GPLD1: variants seen among roughly 807,000 people sequenced by gnomAD.
GPLD1 encodes glycosylphosphatidylinositol specific phospholipase D1.
A neutral mutation model predicts 112.6 loss-of-function variants in GPLD1; 84 were observed. The observed-to-expected ratio is 0.75, with a 90% CI of 0.63 to 0.89. The LOEUF (loss-of-function observed/expected upper bound fraction) is 0.89, where lower values mean the gene tolerates loss of function less well. Among genes scored for constraint, GPLD1 ranks in the 40% least tolerant of loss-of-function variants. The probability of loss-of-function intolerance (pLI) is 0.00; values close to 1 mark genes in which losing one functional copy is unlikely to be tolerated. For synonymous variants in GPLD1, 386 were observed against 403.8 expected, an observed-to-expected ratio of 0.96 and a Z score of 0.53; for missense variants, 1,044 against 1,051.5, an observed-to-expected ratio of 0.99 and a Z score of 0.10.
upstream of GPLD1, among the ~76,000 whole-genome samples, chr6:24,494,235 G>A (rs16889393): frequency 0.029 from 4,473 of 152,238 alleles, 112 homozygotes; most frequent in South Asian, 0.098. Flanking sequence ...AGCATTTTAC[G>A]TTATCTCACA....
At chr6:24,447,776 T>G in intron 17 of GPLD1, 101 bp downstream of exon 17, 6 of 1,065,564 alleles carry the variant, frequency 5.6e-6, no homozygotes, top group Non-Finnish European at 8.2e-6. Context: ...GTTGGTGAAA[T>G]GATATGGAAT....
chr6:24,454,324 G>C, intron 13 of GPLD1, 123 bp from the exon 14 acceptor site: 1 of 557,252 alleles, frequency 1.8e-6, no homozygotes, highest in Non-Finnish European at 3.1e-6. Flanking sequence ...TCCACCCTGC[G>C]TGACTGTTGT....
In GPLD1 at chr6:24,435,824, C is replaced by CAAAAAAAAAAAAAAAAAAAAAA. The variant is rs557127362; in HGVS notation, c.2358+730_2358+751dup. On this transcript the variant is annotated intron_variant, in intron 22 of 24. Coordinates refer to ENST00000230036, the MANE Select transcript of GPLD1 (RefSeq NM_001503.4). ...TGGGCAATAGAGCCAGACGCTGTCT[C>CAAAAAAAAAAAAAAAAAAAAAA]AAAAAAAAAAAAAAAAAAAAAAAGT... 21 of 32,882 alleles carry CAAAAAAAAAAAAAAAAAAAAAA rather than the reference C, an allele frequency of 6.4e-4. 2 individuals are homozygous for CAAAAAAAAAAAAAAAAAAAAAA. The highest frequency in any genetic ancestry group is 1.3e-3 in the African/African-American group (14 of 10,868). 2.0% of individuals were successfully genotyped at this position (32,882 alleles called of 1,614,324 possible).
upstream of GPLD1, among the ~76,000 whole-genome samples, chr6:24,490,840 C>G (rs904027062): frequency 2.0e-5 from 3 of 152,102 alleles, no homozygotes; most frequent in African/African-American, 7.2e-5. Context: ...CTTAACACAG[C>G]CATGTGCACA....
intron 22 of GPLD1, 72 bp from the exon 23 acceptor site, chr6:24,433,461 A>T: frequency 5.7e-6 from 5 of 880,914 alleles, no homozygotes; most frequent in Non-Finnish European, 9.0e-6. Context: ...AATTTTAATT[A>T]TACCCTTATA....
At chr6:24,483,098 C>T (rs775314185) in intron 2 of GPLD1, among the ~76,000 whole-genome samples, 16 of 152,202 alleles carry the variant, frequency 1.1e-4, no homozygotes, top group Admixed American at 5.2e-4. Context: ...GAGGCTGACG[C>T]GGGCGGATCA....
At chr6:24,460,139 C>T in intron 12 of GPLD1, 140 bp downstream of exon 12, 2 of 891,250 alleles carry the variant, frequency 2.2e-6, no homozygotes, top group Admixed American at 4.2e-5. Context: ...CTCAAGGGAT[C>T]CTCTCAACTC....
upstream of GPLD1, among the ~76,000 whole-genome samples, chr6:24,492,505 CAAAAAA>C (rs57089818): frequency 6.1e-5 from 5 of 81,500 alleles, no homozygotes; most frequent in East Asian, 3.2e-4. Context: ...GACCCTGACT[CAAAAAA>C]AAAAAAAAAA....
At position 24,426,975 on chromosome 6, in the gene GPLD1, C is replaced by T. The variant is rs1303558872; in HGVS notation, c.*2057G>A. Among the ~76,000 whole-genome samples the T allele has an allele frequency of 6.6e-6, 1 of 152,166 alleles. No homozygotes were observed. The highest frequency in any genetic ancestry group is 2.4e-5 in the African/African-American group (1 of 41,432). Reference sequence around the variant, plus strand: ...ATGTACCTCTTGATGTTCTTGTTAACTTTCCACTCTTCAGCTGGATTCCTC... The same window carrying T: ...ATGTACCTCTTGATGTTCTTGTTAATTTTCCACTCTTCAGCTGGATTCCTC... On this transcript the variant is annotated 3_prime_UTR_variant, in exon 25 of 25. Coordinates refer to ENST00000230036, the MANE Select transcript of GPLD1 (RefSeq NM_001503.4).
intron 12 of GPLD1, 42 bp from the exon 13 acceptor site, chr6:24,456,679 A>G: frequency 7.2e-7 from 1 of 1,396,344 alleles, no homozygotes; most frequent in South Asian, 1.2e-5. Flanking sequence ...GACACGTAGC[A>G]TAATCAACAA....
rs1763020728 is a variant in GPLD1 at position 24,449,787 on chromosome 6, A to T, written c.1446+2T>A. 1 of 1,598,768 alleles carries T rather than the reference A, an allele frequency of 6.3e-7. No homozygotes were observed. The highest frequency in any genetic ancestry group is 1.3e-5 in the African/African-American group (1 of 74,648). On this transcript the variant is annotated splice_donor_variant, in intron 15 of 24. Transcript: ENST00000230036. LOFTEE classifies it high-confidence loss of function. Reference sequence around the variant, plus strand: ...TCCAACCCTATCCAGCAGCAGCCTTACTTTGTAGGTGAGCTGCTCGGAGCC... The same window carrying T: ...TCCAACCCTATCCAGCAGCAGCCTTTCTTTGTAGGTGAGCTGCTCGGAGCC...
In GPLD1 at chr6:24,431,535, C is replaced by T. The variant is rs537630960; in HGVS notation, c.2436+1652G>A. Among the ~76,000 whole-genome samples, 348 of 139,052 alleles carry T rather than the reference C, an allele frequency of 2.5e-3. 1 individual carries two copies. The highest frequency in any genetic ancestry group is 8.7e-3 in the African/African-American group (326 of 37,510). The allele number at this position is 139,052 out of a possible 152,430, so 91.2% of individuals were successfully genotyped here. On this transcript the variant is annotated intron_variant, in intron 24 of 24. Coordinates refer to ENST00000230036, the MANE Select transcript of GPLD1 (RefSeq NM_001503.4). ...TTTACAGGTATATTTTAAGGTTAAACTTTTTTTTTTTTTTTTTGAGACAGA... is the reference window on the plus strand; with the variant it reads ...TTTACAGGTATATTTTAAGGTTAAATTTTTTTTTTTTTTTTTTGAGACAGA...
chr6:24,492,977 T>C (rs1764594235), upstream of GPLD1, among the ~76,000 whole-genome samples: 1 of 152,230 alleles, frequency 6.6e-6, no homozygotes, highest in East Asian at 1.9e-4. Context: ...TTAGAATAAA[T>C]TAAACATTTG....
chr6:24,449,815 C>A lies in GPLD1; in HGVS notation c.1420G>T (p.Val474Leu), dbSNP rs753378919. 1.9e-6 allele frequency: 3 copies of A among 1,613,584 alleles called. No individual in the cohort carries two copies. The highest frequency in any genetic ancestry group is 3.3e-5 in the Admixed American group (2 of 59,996). Residue 474 changes from valine to leucine, a missense_variant, in exon 15 of 25, where the codon GTG (valine) becomes TTG (leucine). Coordinates refer to ENST00000230036, the MANE Select transcript of GPLD1 (RefSeq NM_001503.4). ...TTGTAGGTGAGCTGCTCGGAGCCCACCGAGGGAGCTCCCACGGCCAGGTCA... is the reference window on the plus strand; with the variant it reads ...TTGTAGGTGAGCTGCTCGGAGCCCAACGAGGGAGCTCCCACGGCCAGGTCA... ...VPDLAVGAPS[V>L]GSEQLTYKGA...
downstream of GPLD1, chr6:24,424,739 G>C (rs1281010737): frequency 6.6e-6 from 1 of 152,186 alleles, no homozygotes; most frequent in Non-Finnish European, 1.5e-5. Flanking sequence ...AGATTCTAGA[G>C]TGTCCAGCTC....
upstream of GPLD1, among the ~76,000 whole-genome samples, chr6:24,490,807 G>A (rs901833970): frequency 4.0e-5 from 6 of 151,028 alleles, no homozygotes; most frequent in East Asian, 1.9e-4. Flanking sequence ...AACAGTTGTC[G>A]CCCCAACAGT....
intron 3 of GPLD1, among the ~76,000 whole-genome samples, chr6:24,479,503 CA>C (rs1764131807): frequency 6.6e-6 from 1 of 152,150 alleles, no homozygotes; most frequent in South Asian, 2.1e-4. Flanking sequence ...CAGTCTTTGC[CA>C]AGACATGAAA....
intron 17 of GPLD1, among the ~76,000 whole-genome samples, chr6:24,447,636 A>C (rs754591208): frequency 3.3e-5 from 5 of 152,176 alleles, no homozygotes; most frequent in Admixed American, 6.5e-5. Flanking sequence ...ACATGGAGAC[A>C]CTATGGGAAT....
chr6:24,432,648 CAA>C (rs1268568396), intron 24 of GPLD1, among the ~76,000 whole-genome samples: 1 of 152,072 alleles, frequency 6.6e-6, no homozygotes, highest in Non-Finnish European at 1.5e-5. Flanking sequence ...AAGAAAATAG[CAA>C]AATACTAATA....
Sources: gnomAD v4.1 joint callset for allele counts (sites outside exome capture counted in the v4.1 genomes callset) on GRCh38, gnomAD v4.1.1 for gene constraint, MANE v1.5 for transcripts, NCBI Gene and HGNC (gene_info 2026-07-23, HGNC 2026-07-21) for gene names.